The following PPP1R12A variants were observed in gnomAD, a reference collection of about 807,000 sequenced individuals.
PPP1R12A encodes the protein protein phosphatase 1 regulatory subunit 12A.
A neutral mutation model predicts 139.6 loss-of-function variants in PPP1R12A; 19 were observed. The ratio of observed to expected loss-of-function variants is 0.14; its 90% CI spans 0.09 to 0.20. The LOEUF (loss-of-function observed/expected upper bound fraction) is 0.20, where lower values mean the gene tolerates loss of function less well. Among genes scored for constraint, PPP1R12A ranks in the 10% least tolerant of loss-of-function variants. The pLI is 1.00. For synonymous variants in PPP1R12A, 427 were observed against 420.6 expected (o/e 1.02, Z -0.19); for missense variants, 925 against 1,211.5 (o/e 0.76, Z 3.51).
At chr12:79,796,720 A>G in intron 17 of PPP1R12A, 62 bp downstream of exon 17, 1 of 1,318,082 alleles carries the variant, frequency 7.6e-7, no homozygotes, top group East Asian at 2.5e-5. Context: ...ATTATTTAGG[A>G]AACCCTAATC....
At chr12:79,822,238 C>T (rs1459163628) in intron 5 of PPP1R12A, 48 bp from the exon 6 acceptor site, 2 of 1,262,710 alleles carry the variant, frequency 1.6e-6, no homozygotes, top group African/African-American at 3.0e-5. Context: ...GTCAATAAAT[C>T]ATAAAATGCC....
intron 21 of PPP1R12A, chr12:79,788,115 T>G (rs966221514): frequency 6.6e-6 from 1 of 152,392 alleles, no homozygotes. Context: ...AAGTATGTAA[T>G]TCAAATAGCT....
intron 1 of PPP1R12A, among the ~76,000 whole-genome samples, chr12:79,904,215 C>CAA (rs937334050): frequency 2.3e-5 from 3 of 133,152 alleles, no homozygotes; most frequent in Non-Finnish European, 3.3e-5. Context: ...ACTCTGTCTC[C>CAA]AAAAAAAAAA....
intron 4 of PPP1R12A, among the ~76,000 whole-genome samples, chr12:79,832,095 A>C (rs111325323): frequency 1.3e-5 from 2 of 152,190 alleles, no homozygotes; most frequent in African/African-American, 2.4e-5. Flanking sequence ...TGACACTTAA[A>C]TTCAACTTAC....
At chr12:79,777,334 CTCA>C in intron 24 of PPP1R12A, 1 of 981,010 alleles carries the variant, frequency 1.0e-6, no homozygotes. Flanking sequence ...TTTAATGTAG[CTCA>C]TCAATTGCAA....
chr12:79,815,338 A>G (rs1436379590), intron 9 of PPP1R12A, among the ~76,000 whole-genome samples: 1 of 152,080 alleles, frequency 6.6e-6, no homozygotes, highest in East Asian at 1.9e-4. Flanking sequence ...AGAATACCCT[A>G]ACATGGTGAA....
intron 12 of PPP1R12A, 146 bp from the exon 13 acceptor site, chr12:79,806,479 G>T (rs1873850146): frequency 2.9e-6 from 2 of 685,676 alleles, no homozygotes; most frequent in Non-Finnish European, 4.7e-6. Context: ...ACCAAGAGTT[G>T]CATCTACAAC....
At chr12:79,919,327 C>A (rs1004006368) in intron 1 of PPP1R12A, among the ~76,000 whole-genome samples, 1 of 151,804 alleles carries the variant, frequency 6.6e-6, no homozygotes, top group Admixed American at 6.6e-5. Flanking sequence ...GAAGCTGAGG[C>A]GGGCGGATCA....
intron 2 of PPP1R12A, among the ~76,000 whole-genome samples, chr12:79,865,400 A>T (rs1038502293): frequency 6.6e-6 from 1 of 152,218 alleles, no homozygotes; most frequent in Non-Finnish European, 1.5e-5. Flanking sequence ...TCCATTTGAA[A>T]ACCGCCACAA....
intron 1 of PPP1R12A, among the ~76,000 whole-genome samples, chr12:79,882,143 T>C (rs1883694603): frequency 6.6e-6 from 1 of 152,182 alleles, no homozygotes; most frequent in Non-Finnish European, 1.5e-5. Flanking sequence ...GCTCAAGGAG[T>C]AATCTCCACT....
chr12:79,780,422 T>C (rs2136969165), intron 23 of PPP1R12A: 1 of 152,190 alleles, frequency 6.6e-6, no homozygotes, highest in East Asian at 1.9e-4. Context: ...TTAGGTGAGC[T>C]TGTCAGAGTA....
intron 19 of PPP1R12A, among the ~76,000 whole-genome samples, chr12:79,792,346 A>G (rs1282756661): frequency 6.6e-6 from 1 of 152,172 alleles, no homozygotes; most frequent in Non-Finnish European, 1.5e-5. Flanking sequence ...GCCAACTATA[A>G]TCCTATCCCT....
intron 1 of PPP1R12A, among the ~76,000 whole-genome samples, chr12:79,890,273 T>C (rs990873006): frequency 1.3e-5 from 2 of 152,176 alleles, no homozygotes; most frequent in Non-Finnish European, 1.5e-5. Context: ...AGGATTTAAA[T>C]ATCATACACT....
intron 1 of PPP1R12A, among the ~76,000 whole-genome samples, chr12:79,903,725 AT>A (rs1684890590): frequency 6.6e-6 from 1 of 152,186 alleles, no homozygotes; most frequent in Non-Finnish European, 1.5e-5. Context: ...CATAAATGCT[AT>A]CTTTTATCTA....
At chr12:79,831,147 T>C (rs1464505862) in intron 4 of PPP1R12A, among the ~76,000 whole-genome samples, 1 of 151,368 alleles carries the variant, frequency 6.6e-6, no homozygotes, top group African/African-American at 2.5e-5. Flanking sequence ...ATACTTTCTA[T>C]TCTCAAAAAA....
In PPP1R12A at chr12:79,806,162, T is replaced by TA; in HGVS notation, c.1823+3_1823+4insT. On this transcript the variant is annotated splice_donor_region_variant and intron_variant, in intron 13 of 24. Transcript: ENST00000450142. Reference sequence around the variant, plus strand: ...CCTGAGCACAAAATGTATCTGTGACTTACCTGCTTTGTGTGCCTGCTGAGG... The same window carrying TA: ...CCTGAGCACAAAATGTATCTGTGACTATACCTGCTTTGTGTGCCTGCTGAGG... 1 of 1,613,652 alleles carries TA rather than the reference T, an allele frequency of 6.2e-7. No individual in the cohort carries two copies. Among genetic ancestry groups the TA allele is most frequent in the South Asian group, 1.1e-5 (1 of 91,056 alleles).
intron 22 of PPP1R12A, among the ~76,000 whole-genome samples, chr12:79,785,237 C>G (rs1870963704): frequency 6.6e-6 from 1 of 152,088 alleles, no homozygotes; most frequent in African/African-American, 2.4e-5. Context: ...TTCTGTTTTA[C>G]TTTTCTGTTT....
In PPP1R12A at chr12:79,857,827, T is replaced by C. The variant is rs150489252; in HGVS notation, c.369-12407A>G. ...CCCAATGCTACTATCAGTTATGATATAATGGAAAAAAATCATCAGAATTTA... is the reference window on the plus strand; with the variant it reads ...CCCAATGCTACTATCAGTTATGATACAATGGAAAAAAATCATCAGAATTTA... On this transcript the variant is annotated intron_variant, in intron 2 of 24. Coordinates refer to ENST00000450142, the MANE Select transcript of PPP1R12A (RefSeq NM_002480.3). 7.2e-5 allele frequency among the ~76,000 whole-genome samples: 11 copies of C among 152,164 alleles called. No homozygotes were observed. In the East Asian group the frequency reaches 2.1e-3, roughly 29 times the overall value.
intron 19 of PPP1R12A, 85 bp from the exon 20 acceptor site, chr12:79,790,568 G>A: frequency 3.1e-6 from 3 of 980,310 alleles, no homozygotes; most frequent in Non-Finnish European, 4.4e-6. Context: ...TAAATTTAAT[G>A]TAGTATCAAT....
Sources: gnomAD v4.1 joint callset for allele counts (sites outside exome capture counted in the v4.1 genomes callset) on GRCh38, gnomAD v4.1.1 for gene constraint, MANE v1.5 for transcripts, NCBI Gene and HGNC (gene_info 2026-07-23, HGNC 2026-07-21) for gene names.